STAU1: variants seen among roughly 807,000 people sequenced by gnomAD.
STAU1 encodes staufen double-stranded RNA binding protein 1.
Under a neutral mutation model 62.9 loss-of-function variants are expected in STAU1, and 13 were observed. The observed-to-expected ratio is 0.21, with a 90% CI of 0.13 to 0.33. The LOEUF (loss-of-function observed/expected upper bound fraction) is 0.33. STAU1 is among the 10% of genes least tolerant of loss of function. The pLI is 1.00. For synonymous variants in STAU1, 269 were observed against 265.1 expected, an observed-to-expected ratio of 1.01 and a Z score of -0.14; for missense variants, 571 against 712.1, an observed-to-expected ratio of 0.80 and a Z score of 2.25.
At chr20:49,218,265 C>T in the STAU1 span, among the ~76,000 whole-genome samples, 1 of 150,704 alleles carries the variant, frequency 6.6e-6, no homozygotes, top group African/African-American at 2.4e-5. Flanking sequence ...TGCTCTGTCG[C>T]CCAGGCTGGA....
Position 49,124,527 on chromosome 20 carries a change from C to T in STAU1, c.670G>A (p.Glu224Lys). The T allele has an allele frequency of 6.2e-7, 1 of 1,614,084 alleles. No homozygotes were observed. Among genetic ancestry groups the T allele is most frequent in the Non-Finnish European group, 8.5e-7 (1 of 1,180,024 alleles). Residue 224 changes from glutamate to lysine, a missense_variant, in exon 7 of 14, where the codon GAG becomes AAG. By Grantham distance (56) the Glu-to-Lys change is moderately conservative. This residue lies in a region of STAU1 where 414 missense variants were observed against 499.6 expected (regional missense o/e 0.83). Coordinates refer to ENST00000371856, the MANE Select transcript of STAU1 (RefSeq NM_017453.4). ...TTCCCTTCACCTTCCCCCACAAACT[C>T]CCCAACCGAAACCTTGGTCACAAAG... ...KNFVTKVSVG[E>K]FVGEGEGKSK...
At chr20:49,203,272 A>C in the STAU1 span, among the ~76,000 whole-genome samples, 1 of 152,110 alleles carries the variant, frequency 6.6e-6, no homozygotes, top group South Asian at 2.1e-4. Flanking sequence ...CAAAAATACA[A>C]AACTTACCCA....
chr20:49,166,114 G>A lies in STAU1; in HGVS notation c.88C>T (p.Gln30Ter), dbSNP rs1252296316. 1.2e-6 allele frequency: 2 copies of A among 1,614,226 alleles called. No homozygotes were observed. The highest frequency in any genetic ancestry group is 1.7e-6 in the Non-Finnish European group (2 of 1,180,030). The change falls in exon 3 of 14, where the codon CAG becomes TAG. Residue 30 changes from glutamine (Q) to a stop codon, truncating the protein, a stop_gained. Transcript: ENST00000371856. LOFTEE classifies it high-confidence loss of function. ...ILNKNQSLLS[Q>*]PLMSIPSTTS... ...GTAGAAGGAATACTCATCAAAGGCT[G>A]TGAGAGAAGAGACTGGTTCTTGTTC...
the STAU1 span, chr20:49,210,551 C>G: frequency 4.4e-6 from 2 of 455,128 alleles, no homozygotes; most frequent in African/African-American, 2.0e-5. Flanking sequence ...AACTCTAGAG[C>G]TGTCAAAAAG....
chr20:49,218,727 C>T, the STAU1 span, among the ~76,000 whole-genome samples: 1 of 151,814 alleles, frequency 6.6e-6, no homozygotes, highest in Non-Finnish European at 1.5e-5. Flanking sequence ...TTTTCCCCTA[C>T]AATAAACATT....
chr20:49,153,266 A>G (rs1452716804), intron 4 of STAU1, among the ~76,000 whole-genome samples: 8 of 144,638 alleles, frequency 5.5e-5, no homozygotes, highest in Non-Finnish European at 9.2e-5. Context: ...AAAAAAAAAA[A>G]AAGAAGCACA....
chr20:49,117,360 AG>A lies in STAU1; in HGVS notation c.1510-113del. ...GATCACCAGCTCTTTTTTCCAACTC[AG>A]CCCCACTGTGGCCATACTAACACCT... is the stretch of plus-strand genomic sequence containing the variant. On this transcript the variant is annotated intron_variant, in intron 11 of 13. Coordinates refer to ENST00000371856, the MANE Select transcript of STAU1 (RefSeq NM_017453.4). This position sits in a 1 kb window ranked among gnomAD's most constrained non-coding sequence, Gnocchi z 4.6. 8.7e-6 allele frequency: 12 copies of A among 1,377,560 alleles called. No homozygotes were observed. The highest frequency in any genetic ancestry group is 1.2e-5 in the Non-Finnish European group (12 of 996,722). The allele number at this position is 1,377,560 out of a possible 1,614,324, so 85.3% of individuals were successfully genotyped here. A position where few individuals can be genotyped will look rare whatever the true frequency, so the allele number is the denominator to read the frequency against.
At chr20:49,149,088 T>C (rs1408446530) in intron 5 of STAU1, among the ~76,000 whole-genome samples, 1 of 152,014 alleles carries the variant, frequency 6.6e-6, no homozygotes, top group Non-Finnish European at 1.5e-5. Flanking sequence ...CCATCTCTAC[T>C]AAAAATACAA....
At chr20:49,216,791 G>A in the STAU1 span, among the ~76,000 whole-genome samples, 1 of 152,156 alleles carries the variant, frequency 6.6e-6, no homozygotes, top group Non-Finnish European at 1.5e-5. Context: ...TCATAGGAAG[G>A]TGAAGCAGAT....
chr20:49,200,642 A>G, the STAU1 span, among the ~76,000 whole-genome samples: 1 of 151,922 alleles, frequency 6.6e-6, no homozygotes, highest in African/African-American at 2.4e-5. Flanking sequence ...TGTCCATGAA[A>G]CAACATGGAT....
At chr20:49,121,521 T>C (rs903071965) in intron 8 of STAU1, among the ~76,000 whole-genome samples, 5 of 152,222 alleles carry the variant, frequency 3.3e-5, no homozygotes, top group African/African-American at 9.6e-5. Flanking sequence ...CTGAACTGGA[T>C]AGTAATAAAC....
At chr20:49,203,499 A>G in the STAU1 span, among the ~76,000 whole-genome samples, 1 of 152,206 alleles carries the variant, frequency 6.6e-6, no homozygotes, top group South Asian at 2.1e-4. Flanking sequence ...ACAGGTCCAG[A>G]ACATACATAT....
chr20:49,141,898 T>C (rs1005141575), intron 5 of STAU1, among the ~76,000 whole-genome samples: 3 of 152,144 alleles, frequency 2.0e-5, no homozygotes, highest in African/African-American at 4.8e-5. Context: ...AAAACTCATA[T>C]ACCTCATTCT....
the STAU1 span, among the ~76,000 whole-genome samples, chr20:49,215,478 A>G: frequency 6.6e-6 from 1 of 152,162 alleles, no homozygotes; most frequent in Non-Finnish European, 1.5e-5. Flanking sequence ...TACACTTTAG[A>G]TTCATGAGAG....
rs374565977 is a variant in STAU1, at chr20:49,180,340, T to C, written c.-159-6071A>G. ...AGTTCTTTTTTTTTTTTTCCCCCCC[T>C]GGATACAGAGTCTTGCTCTGTTGCC... On this transcript the variant is annotated intron_variant, in intron 1 of 13. Transcript: ENST00000371856. 1.9e-3 allele frequency among the ~76,000 whole-genome samples: 229 copies of C among 123,112 alleles called. 2 individuals carry two copies. The highest frequency in any genetic ancestry group is 7.2e-3 in the South Asian group (29 of 4,028). The allele number at this position is 123,112 out of a possible 152,430, so 80.8% of individuals were successfully genotyped here.
chr20:49,212,658 G>A, the STAU1 span, among the ~76,000 whole-genome samples: 11 of 85,902 alleles, frequency 1.3e-4, no homozygotes, highest in Non-Finnish European at 2.0e-4. Flanking sequence ...TGCCCAGGCT[G>A]GAGTGCAATG....
chr20:49,132,435 C>T (rs1195963805), intron 6 of STAU1, among the ~76,000 whole-genome samples: 1 of 152,208 alleles, frequency 6.6e-6, no homozygotes, highest in African/African-American at 2.4e-5. Flanking sequence ...AGCACCATCA[C>T]ATTTTCTAAC....
chr20:49,201,756 A>AG, the STAU1 span, among the ~76,000 whole-genome samples: 20,267 of 147,890 alleles, frequency 0.14, 1,913 homozygotes, highest in East Asian at 0.36. Flanking sequence ...AAAAAAAAAA[A>AG]AAAAATGGGG....
the STAU1 span, among the ~76,000 whole-genome samples, chr20:49,208,757 C>G: frequency 2.0e-5 from 3 of 149,980 alleles, no homozygotes; most frequent in African/African-American, 7.4e-5. Context: ...GTAGGTGGGA[C>G]TACAGGTGCC....
Sources: allele counts gnomAD v4.1 joint callset (sites outside exome capture counted in the v4.1 genomes callset), GRCh38; gene constraint gnomAD v4.1.1; regional missense constraint gnomAD v4.1.1; non-coding constraint Gnocchi (gnomAD v3.1); transcripts MANE v1.5; gene names NCBI Gene and HGNC (gene_info 2026-07-23, HGNC 2026-07-21).